R3HDM2: variants seen among roughly 807,000 people sequenced by gnomAD.
R3HDM2 encodes the protein R3H domain-containing protein 2.
In R3HDM2, 38 loss-of-function variants were observed where a neutral mutation model predicts 124.5. That is an observed-to-expected ratio of 0.31 (90% CI 0.24 to 0.40). The LOEUF (loss-of-function observed/expected upper bound fraction) is 0.40, where lower values mean the gene tolerates loss of function less well. Ranked by LOEUF, R3HDM2 falls within the 10% of genes least tolerant of loss-of-function variation. The probability of loss-of-function intolerance (pLI) is 1.00; values close to 1 mark genes in which losing one functional copy is unlikely to be tolerated. For synonymous variants in R3HDM2, 391 were observed against 448.0 expected (o/e 0.87, Z 1.61); for missense variants, 869 against 1,236.9 (o/e 0.70, Z 4.46).
At chr12:57,404,031 T>A (rs368030378) in intron 1 of R3HDM2, among the ~76,000 whole-genome samples, 18 of 143,730 alleles carry the variant, frequency 1.3e-4, no homozygotes, top group Admixed American at 3.5e-4. Context: ...TAAAAAAAAA[T>A]AATAAAAATA....
At chr12:57,288,787 C>A in intron 12 of R3HDM2, 5 of 1,368,736 alleles carry the variant, frequency 3.7e-6, no homozygotes, top group Non-Finnish European at 5.0e-6. Context: ...ACCCACTCTG[C>A]TGAAAAGATT....
At chr12:57,387,967 T>A (rs1263982279) in intron 2 of R3HDM2, among the ~76,000 whole-genome samples, 23 of 16,400 alleles carry the variant, frequency 1.4e-3, no homozygotes, top group African/African-American at 3.3e-3. Flanking sequence ...ACAAAAAAAA[T>A]TTTTTTTTTT....
intron 3 of R3HDM2, 61 bp downstream of exon 3, chr12:57,310,203 G>C: frequency 1.6e-6 from 2 of 1,253,380 alleles, no homozygotes; most frequent in South Asian, 3.4e-5. Context: ...GACAGAGCTG[G>C]GTAACCCTGT....
At position 57,297,240 on chromosome 12, in the gene R3HDM2, C is replaced by T. The variant is rs181573224; in HGVS notation, c.560+88G>A. The T allele has an allele frequency of 5.1e-3, 3,628 of 706,948 alleles. 22 individuals are homozygous for T. Among genetic ancestry groups the T allele is most frequent in the South Asian group, 0.013 (680 of 53,896 alleles). The allele number at this position is 706,948 out of a possible 1,614,324, so 43.8% of individuals were successfully genotyped here. On this transcript the variant is annotated intron_variant, in intron 8 of 23. Coordinates refer to ENST00000402412, the MANE Select transcript of R3HDM2 (RefSeq NM_001394031.1). ...CAGTATGTTTTCAAAAATCACACTT[C>T]AAGGGGAACATCTCCTAAAATTGTA...
chr12:57,322,005 G>A (rs778441102), intron 2 of R3HDM2, among the ~76,000 whole-genome samples: 87 of 152,240 alleles, frequency 5.7e-4, no homozygotes, highest in Admixed American at 9.2e-4. Flanking sequence ...CAAGGTGGGC[G>A]GATCACGAGG....
chr12:57,423,317 G>GT (rs1234591973), intron 1 of R3HDM2, among the ~76,000 whole-genome samples: 1 of 151,914 alleles, frequency 6.6e-6, no homozygotes, highest in African/African-American at 2.4e-5. Context: ...CCAGCTACTT[G>GT]TAAGACTAAA....
chr12:57,280,297 G>A, intron 14 of R3HDM2, 61 bp downstream of exon 14: 1 of 1,514,374 alleles, frequency 6.6e-7, no homozygotes, highest in Non-Finnish European at 9.0e-7. Flanking sequence ...AGACATGACG[G>A]TACATCTAAA....
chr12:57,295,729 G>C (rs1284233761), intron 9 of R3HDM2: 2 of 494,136 alleles, frequency 4.0e-6, no homozygotes, highest in South Asian at 5.3e-5. Flanking sequence ...TGTCCTATCA[G>C]TGAAGTGAAG....
chr12:57,255,212 T>A (rs922169098), intron 23 of R3HDM2, 99 bp from the exon 24 acceptor site: 6 of 995,108 alleles, frequency 6.0e-6, no homozygotes, highest in Non-Finnish European at 8.9e-6. Flanking sequence ...TAAGTCTGTA[T>A]ACAATGTCTT....
chr12:57,266,342 C>T (rs546016395), intron 19 of R3HDM2, among the ~76,000 whole-genome samples: 2 of 151,860 alleles, frequency 1.3e-5, no homozygotes, highest in Admixed American at 6.6e-5. Context: ...GCGATCCACC[C>T]GCCTTGGCCT....
chr12:57,375,034 GACATTC>G (rs1446378365), intron 2 of R3HDM2, among the ~76,000 whole-genome samples: 1 of 150,108 alleles, frequency 6.7e-6, no homozygotes, highest in Non-Finnish European at 1.5e-5. Flanking sequence ...AAATTGAAGT[GACATTC>G]ACATAAAATT....
chr12:57,284,260 A>G (rs1323107820), intron 12 of R3HDM2, among the ~76,000 whole-genome samples: 1 of 152,228 alleles, frequency 6.6e-6, no homozygotes, highest in Admixed American at 6.5e-5. Flanking sequence ...CAAAGAACAC[A>G]GAGGCAAATC....
At chr12:57,386,830 C>CA (rs1416675704) in intron 2 of R3HDM2, among the ~76,000 whole-genome samples, 1 of 152,148 alleles carries the variant, frequency 6.6e-6, no homozygotes, top group African/African-American at 2.4e-5. Flanking sequence ...GTAAACTCAC[C>CA]AATCAGCACC....
chr12:57,370,158 C>T (rs1465420701), intron 2 of R3HDM2, among the ~76,000 whole-genome samples: 8 of 152,064 alleles, frequency 5.3e-5, no homozygotes, highest in African/African-American at 1.7e-4. Flanking sequence ...ATCACGGGGG[C>T]GGTTCCCCCC....
At chr12:57,386,158 C>CACA (rs2065718783) in intron 2 of R3HDM2, among the ~76,000 whole-genome samples, 2 of 150,548 alleles carry the variant, frequency 1.3e-5, no homozygotes, top group Non-Finnish European at 3.0e-5. Flanking sequence ...TGGCAGCGCT[C>CACA]GCAGCCCTCC....
At chr12:57,298,662 TA>T (rs750641295) in intron 6 of R3HDM2, among the ~76,000 whole-genome samples, 266 of 141,484 alleles carry the variant, frequency 1.9e-3, no homozygotes, top group African/African-American at 2.0e-3. Flanking sequence ...TCTGCATTAT[TA>T]AAAAAAAAAA....
At chr12:57,262,801 T>C (rs1844875712) in intron 19 of R3HDM2, among the ~76,000 whole-genome samples, 1 of 152,128 alleles carries the variant, frequency 6.6e-6, no homozygotes. Flanking sequence ...ATAAGATCGA[T>C]ATGGTGAATA....
At position 57,280,526 on chromosome 12, in the gene R3HDM2, C is replaced by T. The variant is rs1360270330; in HGVS notation, c.1176G>A (p.Met392Ile). The T allele has an allele frequency of 6.3e-7, 1 of 1,599,108 alleles. No individual in the cohort carries two copies. The highest frequency in any genetic ancestry group is 8.5e-7 in the Non-Finnish European group (1 of 1,172,232). The change falls in exon 14 of 24, where the codon ATG becomes ATA. Residue 392 changes from methionine (M) to isoleucine (I), a missense_variant. Physicochemically the swap from Met to Ile is conservative, Grantham distance 10 (BLOSUM62 1). Around this residue, in one of 2 missense-constraint regions of R3HDM2, gnomAD observed 602 missense variants for 789.2 expected, o/e 0.76. Transcript: ENST00000402412. ...GSAGRISRPGMALGAPEVCNQ... is the reference protein window; with the variant it reads ...GSAGRISRPGIALGAPEVCNQ... ...TGCACACTTCTGGGGCACCTAGTGC[C>T]ATACCTAAGGCAAAGAAGAAACCCA...
At position 57,254,381 on chromosome 12, in the gene R3HDM2, G is replaced by A; in HGVS notation, c.*392C>T. ...CCGGGCATGGTGGCGCGTGTCTGTA[G>A]TGCCAGCTACTTGGGAGGCTGAGGC... On this transcript the variant is annotated 3_prime_UTR_variant, in exon 24 of 24. Coordinates refer to ENST00000402412, the MANE Select transcript of R3HDM2 (RefSeq NM_001394031.1). 1 of 395,692 alleles carries A rather than the reference G, an allele frequency of 2.5e-6. No individual in the cohort carries two copies. Among genetic ancestry groups the A allele is most frequent in the Non-Finnish European group, 4.8e-6 (1 of 206,208 alleles). 24.5% of individuals were successfully genotyped at this position (395,692 alleles called of 1,614,324 possible).
Sources: allele counts gnomAD v4.1 joint callset (sites outside exome capture counted in the v4.1 genomes callset), GRCh38; gene constraint gnomAD v4.1.1; regional missense constraint gnomAD v4.1.1; transcripts MANE v1.5; gene names NCBI Gene and HGNC (gene_info 2026-07-23, HGNC 2026-07-21).